Variants in ARID1B observed in about 807,000 individuals in gnomAD.
ARID1B encodes AT-rich interaction domain 1B.
ARID1B carries 30 observed loss-of-function variants against 212.3 expected under a neutral mutation model. That is an observed-to-expected ratio of 0.14 (90% CI 0.11 to 0.19). The LOEUF (loss-of-function observed/expected upper bound fraction) is 0.19. Among genes scored for constraint, ARID1B ranks in the 10% least tolerant of loss-of-function variants. ARID1B has a pLI of 1.00. For missense variants in ARID1B, 2,891 were observed against 3,204.0 expected (o/e 0.90, Z 2.36); for synonymous variants, 1,402 against 1,301.7 (o/e 1.08, Z -1.66).
intron 4 of ARID1B, among the ~76,000 whole-genome samples, chr6:156,997,963 A>G (rs1156440000): frequency 1.3e-5 from 2 of 152,240 alleles, no homozygotes; most frequent in East Asian, 3.8e-4. Context: ...AATGGGTGCA[A>G]ATAAATTCTT....
chr6:157,184,834 C>T (rs922705306), intron 13 of ARID1B: 5 of 216,602 alleles, frequency 2.3e-5, no homozygotes, highest in South Asian at 2.1e-4. Flanking sequence ...CCTACAGGTT[C>T]GACAGCTCGA....
intron 2 of ARID1B, among the ~76,000 whole-genome samples, chr6:156,889,413 A>G (rs1787757109): frequency 6.6e-6 from 1 of 152,236 alleles, no homozygotes; most frequent in Admixed American, 6.5e-5. Flanking sequence ...TAAAACTACA[A>G]TTATACACTT....
At position 157,082,317 on chromosome 6, in the gene ARID1B, G is replaced by T. The variant is rs761818095; in HGVS notation, c.2248-2345G>T. Among the ~76,000 whole-genome samples, 2 of 152,090 alleles carry T rather than the reference G, an allele frequency of 1.3e-5. 1 individual carries two copies. Among genetic ancestry groups the T allele is most frequent in the African/African-American group, 4.8e-5 (2 of 41,418 alleles). On this transcript the variant is annotated intron_variant, in intron 4 of 19. Transcript: ENST00000636930. The stretch of plus-strand genomic sequence containing the variant: ...AATCAGGGGTCAGCAAGCTTTTTCC[G>T]TTAAGGGCCAGAGAGTAAATATTTT...
At chr6:156,942,069 T>C (rs1362065093) in intron 4 of ARID1B, 1 of 152,220 alleles carries the variant, frequency 6.6e-6, no homozygotes. Flanking sequence ...AAGATTTCCA[T>C]TTAAAATATG....
At chr6:156,945,995 C>G (rs1042566953) in intron 4 of ARID1B, among the ~76,000 whole-genome samples, 3 of 152,034 alleles carry the variant, frequency 2.0e-5, no homozygotes, top group African/African-American at 7.2e-5. Context: ...GGCAACAGAG[C>G]AAGACCCTGT....
chr6:156,994,067 A>C (rs1048675656), intron 4 of ARID1B, among the ~76,000 whole-genome samples: 74 of 152,298 alleles, frequency 4.9e-4, no homozygotes, highest in African/African-American at 1.7e-3. Context: ...GCACATTTTT[A>C]AACTTTTGGT....
rs1778904737 is a variant in ARID1B at position 156,778,813 on chromosome 6, G to A, written c.1133G>A (p.Cys378Tyr). 7 of 1,485,244 alleles carry A rather than the reference G, an allele frequency of 4.7e-6. No individual in the cohort carries two copies. The highest frequency in any genetic ancestry group is 3.0e-5 in the African/African-American group (2 of 67,500). The allele number at this position is 1,485,244 out of a possible 1,614,324, so 92.0% of individuals were successfully genotyped here. A position where few individuals can be genotyped will look rare whatever the true frequency, so the allele number is the denominator to read the frequency against. ...NSHEGYPNSQ[C>Y]NHYPGYSRPG... ...CACGAAGGGTACCCCAACAGCCAGTGCAACCATTATCCGGGCTACAGCCGG... is the reference window on the plus strand; with the variant it reads ...CACGAAGGGTACCCCAACAGCCAGTACAACCATTATCCGGGCTACAGCCGG... Residue 378 changes from cysteine (C) to tyrosine (Y), a missense_variant, in exon 1 of 20, where the codon TGC becomes TAC. Around this residue, in one of 7 missense-constraint regions of ARID1B, gnomAD observed 1,643 missense variants for 1,544.0 expected, o/e 1.06. Transcript: ENST00000636930.
intron 4 of ARID1B, among the ~76,000 whole-genome samples, chr6:157,068,336 G>A (rs1279309563): frequency 6.6e-6 from 1 of 152,200 alleles, no homozygotes; most frequent in East Asian, 1.9e-4. Flanking sequence ...ATTCTCTTCT[G>A]CCTGTGTTGG....
At position 157,208,102 on chromosome 6, in the gene ARID1B, C is replaced by A; in HGVS notation, c.*211C>A. On this transcript the variant is annotated 3_prime_UTR_variant, in exon 20 of 20. Coordinates refer to ENST00000636930, the MANE Select transcript of ARID1B (RefSeq NM_001374828.1). The stretch of plus-strand genomic sequence containing the variant: ...TGCTGTCTGTGTGTATAAGTACATC[C>A]TTTGGGGTTTTTTTTTTCTCTTTTT... The A allele has an allele frequency of 2.0e-6, 1 of 512,728 alleles. No homozygotes were observed. Among genetic ancestry groups the A allele is most frequent in the Non-Finnish European group, 3.0e-6 (1 of 336,430 alleles). 31.8% of individuals were successfully genotyped at this position (512,728 alleles called of 1,614,324 possible).
intron 2 of ARID1B, among the ~76,000 whole-genome samples, chr6:156,866,347 G>T (rs924911694): frequency 6.6e-6 from 1 of 152,110 alleles, no homozygotes; most frequent in East Asian, 1.9e-4. Context: ...CCCATCTACC[G>T]CCACACTATA....
chr6:156,827,375 A>G (rs1231086263), intron 1 of ARID1B, among the ~76,000 whole-genome samples: 1 of 152,166 alleles, frequency 6.6e-6, no homozygotes, highest in African/African-American at 2.4e-5. Context: ...TTCCCTTCTA[A>G]CTGTGCCTTG....
intron 1 of ARID1B, among the ~76,000 whole-genome samples, chr6:156,813,095 T>TATATATATAC (rs1562404644): frequency 8.5e-6 from 1 of 117,046 alleles, no homozygotes; most frequent in Non-Finnish European, 1.7e-5. Context: ...TGTATATACA[T>TATATATATAC]ACATATATAT....
chr6:156,784,474 G>A (rs1779498977), intron 1 of ARID1B, among the ~76,000 whole-genome samples: 1 of 152,130 alleles, frequency 6.6e-6, no homozygotes, highest in East Asian at 1.9e-4. Flanking sequence ...AAAACTTGGT[G>A]TACTTTAGCA....
rs374517532 is a variant in ARID1B, at chr6:157,190,178, C to G, written c.4199C>G (p.Pro1400Arg). 1.2e-6 allele frequency: 2 copies of G among 1,613,732 alleles called. No individual in the cohort carries two copies. Among genetic ancestry groups the G allele is most frequent in the Admixed American group, 1.7e-5 (1 of 59,986 alleles). The change falls in exon 15 of 20, where the codon CCC (proline) becomes CGC (arginine). Residue 1400 changes from proline (P) to arginine (R), a missense_variant. By Grantham distance (103) the Pro-to-Arg change is moderately radical. This residue lies in a region of ARID1B where 666 missense variants were observed against 873.5 expected (regional missense o/e 0.76). Transcript: ENST00000636930. This position sits in a 1 kb window ranked among gnomAD's most constrained non-coding sequence, Gnocchi z 4.6. ...GTGATGGGCAGGATGCCCTATGAGC[C>G]CAACAAGGACCCCTTTGGGGGAATG... ...PDVMGRMPYE[P>R]NKDPFGGMRK... is the part of the protein sequence containing the mutation.
intron 4 of ARID1B, among the ~76,000 whole-genome samples, chr6:156,961,208 C>A: frequency 6.6e-6 from 1 of 152,190 alleles, no homozygotes; most frequent in East Asian, 1.9e-4. Flanking sequence ...ACAGAGTGCG[C>A]AGGACACGGA....
chr6:156,910,348 GT>G (rs1271425038), intron 3 of ARID1B, among the ~76,000 whole-genome samples: 4 of 152,158 alleles, frequency 2.6e-5, no homozygotes, highest in African/African-American at 9.7e-5. Flanking sequence ...TTCAAGACAG[GT>G]ATTTCTCTTT....
At chr6:157,116,095 G>A (rs537925420) in intron 6 of ARID1B, among the ~76,000 whole-genome samples, 1 of 152,234 alleles carries the variant, frequency 6.6e-6, no homozygotes, top group African/African-American at 2.4e-5. Flanking sequence ...AAGAAAAATA[G>A]GAAACGGCTT....
chr6:156,815,332 C>T (rs1180576557), intron 1 of ARID1B, among the ~76,000 whole-genome samples: 2 of 152,112 alleles, frequency 1.3e-5, no homozygotes, highest in Non-Finnish European at 2.9e-5. Flanking sequence ...AAAGATCCTT[C>T]GTGCGCTGAT....
At chr6:156,889,191 A>T (rs1787741828) in intron 2 of ARID1B, among the ~76,000 whole-genome samples, 1 of 152,230 alleles carries the variant, frequency 6.6e-6, no homozygotes, top group African/African-American at 2.4e-5. Flanking sequence ...TACACTGGAA[A>T]TATGCTATTT....
Sources: gnomAD v4.1 joint callset for allele counts (sites outside exome capture counted in the v4.1 genomes callset) on GRCh38, gnomAD v4.1.1 for gene constraint, gnomAD v4.1.1 regional missense constraint, Gnocchi (gnomAD v3.1) non-coding constraint, MANE v1.5 for transcripts, NCBI Gene and HGNC (gene_info 2026-07-23, HGNC 2026-07-21) for gene names.